Variants in FGF14 observed in about 807,000 individuals in gnomAD.
FGF14 encodes fibroblast growth factor homologous factor 4.
In FGF14, 5 loss-of-function variants were observed where a neutral mutation model predicts 25.5. That is an observed-to-expected ratio of 0.20 (90% CI 0.10 to 0.41). FGF14 has a LOEUF of 0.41. Among genes scored for constraint, FGF14 ranks in the 10% least tolerant of loss-of-function variants. The pLI, the probability that FGF14 is intolerant of heterozygous loss-of-function variation, is 1.00. For missense variants in FGF14, 222 were observed against 320.1 expected, an observed-to-expected ratio of 0.69 and a Z score of 2.34; for synonymous variants, 138 against 118.3, an observed-to-expected ratio of 1.17 and a Z score of -1.08.
intron 1 of FGF14, among the ~76,000 whole-genome samples, chr13:102,025,365 TTATA>T (rs1466127890): frequency 6.6e-6 from 1 of 152,028 alleles, no homozygotes; most frequent in African/African-American, 2.4e-5. Flanking sequence ...TATATAGGCA[TTATA>T]TAATTTATTT....
At chr13:102,258,133 T>G (rs1296528901) in intron 1 of FGF14, among the ~76,000 whole-genome samples, 1 of 152,130 alleles carries the variant, frequency 6.6e-6, no homozygotes, top group African/African-American at 2.4e-5. Flanking sequence ...TCAGATCTTG[T>G]AAGACTTCTT....
chr13:102,395,903 CCTTCT>C (rs1464784262), intron 1 of FGF14, among the ~76,000 whole-genome samples: 29 of 152,146 alleles, frequency 1.9e-4, no homozygotes, highest in Admixed American at 1.9e-3. Context: ...CCTTTTGTTC[CCTTCT>C]CTTCATCATC....
At chr13:101,985,774 T>G (rs1475940606) in intron 1 of FGF14, among the ~76,000 whole-genome samples, 1 of 152,120 alleles carries the variant, frequency 6.6e-6, no homozygotes, top group African/African-American at 2.4e-5. Flanking sequence ...AACCAAACTA[T>G]AAACTGAATA....
intron 1 of FGF14, among the ~76,000 whole-genome samples, chr13:101,999,558 G>T (rs1379776258): frequency 6.6e-6 from 1 of 152,090 alleles, no homozygotes; most frequent in Non-Finnish European, 1.5e-5. Flanking sequence ...TCGGAAATGG[G>T]ACAATTACTT....
intron 1 of FGF14, among the ~76,000 whole-genome samples, chr13:102,125,751 T>G (rs2140385064): frequency 6.6e-6 from 1 of 152,306 alleles, no homozygotes; most frequent in East Asian, 1.9e-4. Context: ...CTGTTTCTTT[T>G]TAAAATATAT....
rs775905000 is a variant in FGF14, at chr13:101,715,528, T to C, written c.*7303A>G. The C allele has an allele frequency of 3.5e-6, 5 of 1,439,670 alleles. No individual in the cohort carries two copies. Among genetic ancestry groups the C allele is most frequent in the African/African-American group, 2.8e-5 (2 of 71,558 alleles). The allele number at this position is 1,439,670 out of a possible 1,614,324, so 89.2% of individuals were successfully genotyped here. ...CATGTTTAAATTTGGCACATTTTGA[T>C]CATAATCATGATACCTATATGTATT... is the stretch of plus-strand genomic sequence containing the variant. On this transcript the variant is annotated 3_prime_UTR_variant, in exon 5 of 5. Transcript: ENST00000376143.
At chr13:101,858,935 G>A (rs182865282) in intron 3 of FGF14, among the ~76,000 whole-genome samples, 3 of 152,098 alleles carry the variant, frequency 2.0e-5, no homozygotes, top group Admixed American at 6.6e-5. Context: ...AGTTAAAGAC[G>A]ACATTACCAC....
intron 1 of FGF14, among the ~76,000 whole-genome samples, chr13:102,223,724 C>A (rs1040501563): frequency 1.3e-5 from 2 of 152,102 alleles, no homozygotes; most frequent in Non-Finnish European, 2.9e-5. Context: ...CTGTAAATAT[C>A]TATCCCAAAC....
chr13:101,838,972 A>C (rs958386098), intron 3 of FGF14, among the ~76,000 whole-genome samples: 3 of 152,060 alleles, frequency 2.0e-5, no homozygotes, highest in African/African-American at 7.2e-5. Flanking sequence ...GCGAGGTTTC[A>C]AAATTATTGA....
At chr13:101,774,969 C>CA (rs1213093814) in intron 3 of FGF14, among the ~76,000 whole-genome samples, 4,375 of 53,776 alleles carry the variant, frequency 0.081, 237 homozygotes, top group African/African-American at 0.21. Flanking sequence ...AACTCCATCT[C>CA]AAAAAAAAAA....
At chr13:101,871,972 C>T (rs1015909321) in intron 2 of FGF14, among the ~76,000 whole-genome samples, 5 of 152,000 alleles carry the variant, frequency 3.3e-5, no homozygotes, top group African/African-American at 7.2e-5. Flanking sequence ...GGGGCACCAA[C>T]GTTTGCCTAC....
chr13:102,121,955 T>G (rs528685758), intron 1 of FGF14, among the ~76,000 whole-genome samples: 2 of 152,342 alleles, frequency 1.3e-5, no homozygotes, highest in East Asian at 3.9e-4. Flanking sequence ...TATTCTGGCA[T>G]TTAAAAGTTA....
chr13:102,181,642 C>T (rs7988773), intron 1 of FGF14, among the ~76,000 whole-genome samples: 3,588 of 152,158 alleles, frequency 0.024, 152 homozygotes, highest in African/African-American at 0.082. Flanking sequence ...GCTCTTCCAT[C>T]CCTTTTCAAA....
chr13:101,742,061 C>T (rs984170368), intron 3 of FGF14, among the ~76,000 whole-genome samples: 1 of 152,016 alleles, frequency 6.6e-6, no homozygotes, highest in Non-Finnish European at 1.5e-5. Context: ...CCCATCAGGC[C>T]CCAGTGTGTG....
At chr13:101,894,796 T>G (rs145908623) in intron 1 of FGF14, among the ~76,000 whole-genome samples, 3,226 of 152,278 alleles carry the variant, frequency 0.021, 49 homozygotes, top group Non-Finnish European at 0.029. Flanking sequence ...AGCAATGGTG[T>G]CAGTAATTGA....
At chr13:101,932,423 C>T (rs190730075) in intron 1 of FGF14, among the ~76,000 whole-genome samples, 104 of 150,098 alleles carry the variant, frequency 6.9e-4, no homozygotes, top group African/African-American at 2.6e-3. Context: ...ATCCCAGCTA[C>T]TCAGGAGGCT....
At chr13:102,327,210 T>A (rs1350733606) in intron 1 of FGF14, among the ~76,000 whole-genome samples, 5 of 152,226 alleles carry the variant, frequency 3.3e-5, no homozygotes, top group Non-Finnish European at 5.9e-5. Flanking sequence ...TTACTTTCAG[T>A]AACATTAATG....
At chr13:102,340,001 A>C (rs1753417366) in intron 1 of FGF14, among the ~76,000 whole-genome samples, 1 of 152,230 alleles carries the variant, frequency 6.6e-6, no homozygotes, top group South Asian at 2.1e-4. Flanking sequence ...CGGAATAAGA[A>C]AGGAGCCTAC....
intron 1 of FGF14, among the ~76,000 whole-genome samples, chr13:102,104,821 G>T (rs1456968804): frequency 2.0e-5 from 3 of 152,018 alleles, no homozygotes; most frequent in Non-Finnish European, 4.4e-5. Flanking sequence ...AGGAGAAGAG[G>T]AGCTACCTGG....
Sources: allele counts gnomAD v4.1 joint callset (sites outside exome capture counted in the v4.1 genomes callset), GRCh38; gene constraint gnomAD v4.1.1; transcripts MANE v1.5; gene names NCBI Gene and HGNC (gene_info 2026-07-23, HGNC 2026-07-21).